The following UBAP2 variants were observed in gnomAD, a reference collection of about 807,000 sequenced individuals.
The protein encoded by UBAP2 is ubiquitin-associated protein 2.
A neutral mutation model predicts 139.6 loss-of-function variants in UBAP2; 75 were observed. The ratio of observed to expected loss-of-function variants is 0.54; its 90% CI spans 0.45 to 0.65. The LOEUF (loss-of-function observed/expected upper bound fraction) is 0.65. Among genes scored for constraint, UBAP2 ranks in the 30% least tolerant of loss-of-function variants. The pLI is 0.00. For synonymous variants in UBAP2, 526 were observed against 526.2 expected, an observed-to-expected ratio of 1.00 and a Z score of 0.01; for missense variants, 1,368 against 1,369.6, an observed-to-expected ratio of 1.00 and a Z score of 0.02.
chr9:33,995,499 AT>A (rs1392967498), intron 4 of UBAP2: 27 of 131,176 alleles, frequency 2.1e-4, no homozygotes, highest in African/African-American at 4.2e-4. Context: ...TATTAAATAT[AT>A]ATATTTATAT....
chr9:33,958,162 A>G (rs1826723369), intron 10 of UBAP2, among the ~76,000 whole-genome samples: 1 of 151,950 alleles, frequency 6.6e-6, no homozygotes, highest in Admixed American at 6.6e-5. Context: ...GGGCCTCCCT[A>G]TGTTGCCCAG....
chr9:33,949,351 AATG>A (rs1245540524), intron 12 of UBAP2, among the ~76,000 whole-genome samples: 1 of 152,154 alleles, frequency 6.6e-6, no homozygotes, highest in East Asian at 1.9e-4. Flanking sequence ...CTTCATCTTT[AATG>A]ATTACAAGAT....
intron 11 of UBAP2, 55 bp downstream of exon 11, chr9:33,956,024 A>AG: frequency 4.2e-6 from 6 of 1,415,384 alleles, no homozygotes; most frequent in Non-Finnish European, 5.8e-6. Context: ...TTCCTGAGGC[A>AG]AAAGATTTCT....
intron 2 of UBAP2, among the ~76,000 whole-genome samples, chr9:34,014,636 C>CA (rs1372568628): frequency 4.7e-5 from 7 of 149,402 alleles, no homozygotes; most frequent in Admixed American, 6.7e-5. Flanking sequence ...CTCGAAGAAA[C>CA]AAAAAAAAAT....
At chr9:33,985,633 A>T (rs1202663687) in intron 6 of UBAP2, among the ~76,000 whole-genome samples, 3 of 152,158 alleles carry the variant, frequency 2.0e-5, no homozygotes, top group African/African-American at 7.2e-5. Flanking sequence ...GCAGGTAGAG[A>T]GTGGAATGAT....
Position 33,933,471 on chromosome 9 carries a change from G to A in UBAP2, c.2108+19C>T. On this transcript the variant is annotated intron_variant, in intron 18 of 28. Transcript: ENST00000379238. The stretch of plus-strand genomic sequence containing the variant: ...TGCCCCAAGGTACTTCTCACTTTGG[G>A]CCCACACCTTCCCCATACCTGCTAA... 3 of 1,612,630 alleles carry A rather than the reference G, an allele frequency of 1.9e-6. No individual in the cohort carries two copies. The highest frequency in any genetic ancestry group is 8.5e-7 in the Non-Finnish European group (1 of 1,179,418).
chr9:34,027,870 AAAAAAG>A lies in UBAP2; in HGVS notation c.-41-10687_-41-10682del, dbSNP rs1488525575. On this transcript the variant is annotated intron_variant, in intron 1 of 28. Transcript: ENST00000379238. ...GAGCGAGACTCCATCTCAAAAAAAA[AAAAAAG>A]AAAAGAAAAGAATCTCAACTAAATT... 6.6e-3 allele frequency among the ~76,000 whole-genome samples: 1,007 copies of A among 151,590 alleles called. 7 individuals are homozygous for A. Among genetic ancestry groups the A allele is most frequent in the African/African-American group, 0.023 (950 of 41,284 alleles).
rs1828038163 is a variant in UBAP2, at chr9:33,973,168, A to G, written c.575+15T>C. The stretch of plus-strand genomic sequence containing the variant: ...GGAAGTAAATAATTATAAAAATAGG[A>G]TGGCTATCACTTACCCCATGCCTTG... On this transcript the variant is annotated intron_variant, in intron 7 of 28. Transcript: ENST00000379238. The G allele has an allele frequency of 6.2e-7, 1 of 1,612,364 alleles. No individual in the cohort carries two copies. The highest frequency in any genetic ancestry group is 1.1e-5 in the South Asian group (1 of 90,824).
chr9:33,953,560 AT>A, intron 11 of UBAP2, 86 bp from the exon 12 acceptor site: 1 of 1,341,724 alleles, frequency 7.5e-7, no homozygotes, highest in Non-Finnish European at 1.0e-6. Context: ...TATATAGTGA[AT>A]TTACATTAAA....
chr9:33,922,474 C>T lies in UBAP2; in HGVS notation c.*30G>A. 6.2e-7 allele frequency: 1 copy of T among 1,605,810 alleles called. No individual in the cohort carries two copies. The highest frequency in any genetic ancestry group is 8.5e-7 in the Non-Finnish European group (1 of 1,175,124). On this transcript the variant is annotated 3_prime_UTR_variant, in exon 29 of 29. Transcript: ENST00000379238. The stretch of plus-strand genomic sequence containing the variant: ...GTGTTCTCTCCTGCCCAGGATAAGC[C>T]TTGCCCCAGCCCACCCCTCTCTTCT...
At chr9:33,969,453 A>T (rs544568858) in intron 8 of UBAP2, among the ~76,000 whole-genome samples, 2 of 152,032 alleles carry the variant, frequency 1.3e-5, no homozygotes, top group Non-Finnish European at 2.9e-5. Context: ...TAGGGAGATT[A>T]AGGTGGGATG....
intron 10 of UBAP2, 84 bp downstream of exon 10, chr9:33,960,742 T>C: frequency 7.2e-7 from 1 of 1,380,256 alleles, no homozygotes; most frequent in East Asian, 2.3e-5. Context: ...ATCACGCCAT[T>C]GCATTCCAGC....
intron 8 of UBAP2, among the ~76,000 whole-genome samples, chr9:33,964,700 G>A (rs1827315849): frequency 6.6e-6 from 1 of 150,918 alleles, no homozygotes; most frequent in Non-Finnish European, 1.5e-5. Flanking sequence ...AACAAATTGA[G>A]ACCCCCATCT....
chr9:33,946,723 AC>A (rs1825682379), intron 13 of UBAP2, among the ~76,000 whole-genome samples: 1 of 152,186 alleles, frequency 6.6e-6, no homozygotes, highest in Non-Finnish European at 1.5e-5. Context: ...TTAAAAAAAA[AC>A]AAATGGCAGA....
At chr9:33,976,386 G>T (rs141741440) in intron 6 of UBAP2, among the ~76,000 whole-genome samples, 2 of 152,222 alleles carry the variant, frequency 1.3e-5, no homozygotes, top group African/African-American at 4.8e-5. Context: ...TCAGGGTAAA[G>T]GCGATGGGGA....
At chr9:34,028,785 T>TTC (rs1198929208) in intron 1 of UBAP2, among the ~76,000 whole-genome samples, 1 of 151,580 alleles carries the variant, frequency 6.6e-6, no homozygotes, top group Non-Finnish European at 1.5e-5. Flanking sequence ...CTTATAACAG[T>TTC]TCTCTCTCTC....
In UBAP2 at chr9:33,946,442, A is replaced by G. The variant is rs140492275; in HGVS notation, c.1271-1803T>C. Among the ~76,000 whole-genome samples the G allele has an allele frequency of 6.5e-3, 988 of 152,292 alleles. 9 individuals carry two copies. Among genetic ancestry groups the G allele is most frequent in the Non-Finnish European group, 9.9e-3 (672 of 68,026 alleles). Reference sequence around the variant, plus strand: ...GACCCACTGGCATTTTGGCATAGAGATCCAACTTCATTTTTCAAACGGTTT... The same window carrying G: ...GACCCACTGGCATTTTGGCATAGAGGTCCAACTTCATTTTTCAAACGGTTT... On this transcript the variant is annotated intron_variant, in intron 13 of 28. Transcript: ENST00000379238.
intron 1 of UBAP2, among the ~76,000 whole-genome samples, chr9:34,040,323 C>CAAAAAAAAA (rs56317641): frequency 1.1e-5 from 1 of 88,864 alleles, no homozygotes; most frequent in Non-Finnish European, 2.1e-5. Context: ...GACTCTGTCT[C>CAAAAAAAAA]AAAAAAAAAA....
chr9:33,953,720 A>C (rs1293771990), intron 11 of UBAP2, among the ~76,000 whole-genome samples: 1 of 152,180 alleles, frequency 6.6e-6, no homozygotes, highest in African/African-American at 2.4e-5. Flanking sequence ...TTTTCAAAGT[A>C]ATGACTAACA....
Sources: allele counts gnomAD v4.1 joint callset (sites outside exome capture counted in the v4.1 genomes callset), GRCh38; gene constraint gnomAD v4.1.1; transcripts MANE v1.5; gene names NCBI Gene and HGNC (gene_info 2026-07-23, HGNC 2026-07-21).